Variants in WWOX observed in about 807,000 individuals in gnomAD.
The protein encoded by WWOX is WW domain containing oxidoreductase.
In WWOX, 69 loss-of-function variants were observed where a neutral mutation model predicts 46.2. The ratio of observed to expected loss-of-function variants is 1.49; its 90% confidence interval spans 1.23 to 1.82. WWOX has a LOEUF of 1.82. Ranked by LOEUF, WWOX falls within the 40% of genes most tolerant of loss-of-function variation. The probability of loss-of-function intolerance (pLI) is 0.00; values close to 1 mark genes in which losing one functional copy is unlikely to be tolerated. For synonymous variants in WWOX, 359 were observed against 202.6 expected, an observed-to-expected ratio of 1.77 and a Z score of -6.56; for missense variants, 919 against 542.6, an observed-to-expected ratio of 1.69 and a Z score of -6.89.
intron 8 of WWOX, among the ~76,000 whole-genome samples, chr16:79,001,741 G>A (rs1426689447): frequency 1.1e-4 from 17 of 152,044 alleles, no homozygotes; most frequent in African/African-American, 4.1e-4. Flanking sequence ...TGTGGAGGAA[G>A]GGGGCGTTTG....
chr16:78,108,377 A>G (rs747872372), intron 1 of WWOX, 46 bp from the exon 2 acceptor site: 29 of 1,581,570 alleles, frequency 1.8e-5, no homozygotes, highest in Non-Finnish European at 2.3e-5. Context: ...ACTTTTTAGA[A>G]GAGTTAATTT....
chr16:78,600,225 T>G (rs1405737373), intron 8 of WWOX, among the ~76,000 whole-genome samples: 1 of 151,828 alleles, frequency 6.6e-6, no homozygotes, highest in African/African-American at 2.4e-5. Context: ...CCACAACACA[T>G]GGGAATTGTG....
chr16:78,828,565 CATTT>C (rs930848785), intron 8 of WWOX, among the ~76,000 whole-genome samples: 11 of 151,724 alleles, frequency 7.3e-5, no homozygotes, highest in Admixed American at 2.6e-4. Flanking sequence ...ATAACTATAT[CATTT>C]ATTAAGGTCC....
chr16:79,098,881 G>A (rs1213694229), intron 8 of WWOX, among the ~76,000 whole-genome samples: 1 of 152,160 alleles, frequency 6.6e-6, no homozygotes, highest in Non-Finnish European at 1.5e-5. Context: ...ATAGAGTAAA[G>A]GGTATAGTTT....
At chr16:78,334,263 G>C (rs576124472) in intron 5 of WWOX, among the ~76,000 whole-genome samples, 1 of 152,292 alleles carries the variant, frequency 6.6e-6, no homozygotes, top group African/African-American at 2.4e-5. Context: ...TTATTATGCT[G>C]TGAATACGGG....
intron 8 of WWOX, among the ~76,000 whole-genome samples, chr16:78,621,128 G>C (rs1329591672): frequency 6.6e-6 from 1 of 152,116 alleles, no homozygotes; most frequent in East Asian, 1.9e-4. Flanking sequence ...GGGTTTTAAT[G>C]GGCAGGGTAT....
At chr16:78,530,595 G>A (rs943576253) in intron 8 of WWOX, among the ~76,000 whole-genome samples, 15 of 152,228 alleles carry the variant, frequency 9.9e-5, no homozygotes, top group African/African-American at 1.4e-4. Context: ...GGGGCAGGCC[G>A]GGCCATGGGT....
chr16:78,255,353 G>A (rs2038099239), intron 5 of WWOX, among the ~76,000 whole-genome samples: 1 of 152,060 alleles, frequency 6.6e-6, no homozygotes, highest in Non-Finnish European at 1.5e-5. Flanking sequence ...TAAACCTAAA[G>A]GATTTAAAAA....
At chr16:79,210,914 C>T (rs1038995393) in intron 8 of WWOX, among the ~76,000 whole-genome samples, 1 of 152,152 alleles carries the variant, frequency 6.6e-6, no homozygotes. Flanking sequence ...GAAATGTACC[C>T]CCTTACCTGT....
Position 79,151,768 on chromosome 16 carries a change from C to T in WWOX, c.1057-59840C>T, listed in dbSNP as rs554750318. 1.1e-3 allele frequency among the ~76,000 whole-genome samples: 171 copies of T among 152,280 alleles called. 6 individuals are homozygous for T. Among genetic ancestry groups the T allele is most frequent in the Admixed American group, 0.011 (171 of 15,292 alleles). ...CTGACAGCCAGAGCCACCTAATGGG[C>T]CTATTTGATCCTGGAGTTGCTGTAA... On this transcript the variant is annotated intron_variant, in intron 8 of 8. Transcript: ENST00000566780.
At chr16:78,486,426 T>A (rs2084638412) in intron 8 of WWOX, among the ~76,000 whole-genome samples, 2 of 152,214 alleles carry the variant, frequency 1.3e-5, no homozygotes, top group Non-Finnish European at 2.9e-5. Flanking sequence ...ATCATACATT[T>A]ATCTACTTTA....
intron 8 of WWOX, among the ~76,000 whole-genome samples, chr16:79,022,985 GTAAA>G (rs2047564943): frequency 6.6e-6 from 1 of 152,060 alleles, no homozygotes; most frequent in African/African-American, 2.4e-5. Context: ...ATAAGATAAT[GTAAA>G]TAGAGTTTAG....
Position 78,907,955 on chromosome 16 carries a change from C to T in WWOX, c.1057-303653C>T, listed in dbSNP as rs58447915. On this transcript the variant is annotated intron_variant, in intron 8 of 8. Transcript: ENST00000566780. ...TGAACAGATGAGAAAGGGGAGGAGGCTGGGATCAGTGCACAGCTTTGCAGG... is the reference window on the plus strand; with the variant it reads ...TGAACAGATGAGAAAGGGGAGGAGGTTGGGATCAGTGCACAGCTTTGCAGG... Among the ~76,000 whole-genome samples the T allele has an allele frequency of 6.3e-3, 955 of 152,268 alleles. 11 individuals are homozygous for T. Among genetic ancestry groups the T allele is most frequent in the African/African-American group, 0.022 (916 of 41,544 alleles).
chr16:78,154,432 C>G (rs1005276576), intron 4 of WWOX, among the ~76,000 whole-genome samples: 1 of 150,048 alleles, frequency 6.7e-6, no homozygotes, highest in Non-Finnish European at 1.5e-5. Context: ...GGAGCTTCAT[C>G]TCTGTTGTAT....
At chr16:78,357,731 G>A (rs567389207) in intron 5 of WWOX, among the ~76,000 whole-genome samples, 2 of 152,220 alleles carry the variant, frequency 1.3e-5, no homozygotes, top group Admixed American at 1.3e-4. Flanking sequence ...ACAGTGCTGG[G>A]TGCTACATAT....
intron 8 of WWOX, among the ~76,000 whole-genome samples, chr16:78,791,088 A>C (rs994236195): frequency 2.0e-5 from 3 of 151,250 alleles, no homozygotes; most frequent in East Asian, 1.9e-4. Context: ...AAGCCTCCAC[A>C]CAGGGCCCCT....
chr16:78,797,146 A>T (rs2050760113), intron 8 of WWOX, among the ~76,000 whole-genome samples: 1 of 151,860 alleles, frequency 6.6e-6, no homozygotes, highest in Non-Finnish European at 1.5e-5. Context: ...TTATCAATAG[A>T]AGTGGGGAAA....
intron 8 of WWOX, among the ~76,000 whole-genome samples, chr16:79,207,162 G>T (rs558170399): frequency 6.6e-6 from 1 of 152,160 alleles, no homozygotes; most frequent in East Asian, 1.9e-4. Flanking sequence ...CATCTCCACC[G>T]CAGCAGCTCT....
intron 8 of WWOX, among the ~76,000 whole-genome samples, chr16:78,982,724 G>C (rs940811730): frequency 6.6e-6 from 1 of 152,184 alleles, no homozygotes; most frequent in African/African-American, 2.4e-5. Context: ...AGGAGAAAAT[G>C]TGCATTTGAA....
Sources: gnomAD v4.1 joint callset for allele counts (sites outside exome capture counted in the v4.1 genomes callset) on GRCh38, gnomAD v4.1.1 for gene constraint, MANE v1.5 for transcripts, NCBI Gene and HGNC (gene_info 2026-07-23, HGNC 2026-07-21) for gene names.